Variants in SGF29 observed in about 807,000 individuals in gnomAD.
SGF29 encodes SAGA complex associated factor 29.
In SGF29, 15 loss-of-function variants were observed where a neutral mutation model predicts 38.1. The ratio of observed to expected loss-of-function variants is 0.39; its 90% CI spans 0.26 to 0.61. The LOEUF (loss-of-function observed/expected upper bound fraction) is 0.61, where lower values mean the gene tolerates loss of function less well. SGF29 is among the 20% of genes least tolerant of loss of function. SGF29 has a pLI of 0.49. For missense variants in SGF29, 184 were observed against 394.6 expected, an observed-to-expected ratio of 0.47 and a Z score of 4.52; for synonymous variants, 151 against 160.8, an observed-to-expected ratio of 0.94 and a Z score of 0.46.
chr16:28,556,680 C>T (rs139123259), intron 1 of SGF29, among the ~76,000 whole-genome samples: 122 of 151,986 alleles, frequency 8.0e-4, no homozygotes, highest in African/African-American at 2.8e-3. Flanking sequence ...AGGTCTTACT[C>T]TGTCACCCAG....
intron 1 of SGF29, among the ~76,000 whole-genome samples, chr16:28,568,639 G>A (rs2151645456): frequency 6.6e-6 from 1 of 152,242 alleles, no homozygotes; most frequent in South Asian, 2.1e-4. Flanking sequence ...TCTTGGCCAG[G>A]AGCAGTGGCT....
At chr16:28,556,651 T>A (rs1453636459) in intron 1 of SGF29, among the ~76,000 whole-genome samples, 1 of 151,452 alleles carries the variant, frequency 6.6e-6, no homozygotes, top group Admixed American at 6.6e-5. Flanking sequence ...CCAACCTACT[T>A]ATGTTTTTTT....
intron 1 of SGF29, among the ~76,000 whole-genome samples, chr16:28,576,113 C>G (rs1475576974): frequency 6.6e-6 from 1 of 152,108 alleles, no homozygotes; most frequent in Non-Finnish European, 1.5e-5. Context: ...GAAGGTTAAA[C>G]AGAGTTTATG....
At chr16:28,564,737 G>GTATATGTGTA (rs2046823154) in intron 1 of SGF29, among the ~76,000 whole-genome samples, 1 of 11,340 alleles carries the variant, frequency 8.8e-5, no homozygotes, top group African/African-American at 2.3e-4. Flanking sequence ...ACATATATAT[G>GTATATGTGTA]TATATATGTA....
chr16:28,558,729 A>G (rs13331691), intron 1 of SGF29, among the ~76,000 whole-genome samples: 10,774 of 152,306 alleles, frequency 0.071, 574 homozygotes, highest in East Asian at 0.2. Context: ...ATAAAAAGGA[A>G]TGAAGTTACT....
intron 1 of SGF29, among the ~76,000 whole-genome samples, chr16:28,567,819 G>A (rs1457613234): frequency 6.6e-6 from 1 of 152,182 alleles, no homozygotes; most frequent in East Asian, 1.9e-4. Context: ...AAGTGGCAAA[G>A]AACTTGGCTG....
In SGF29 at chr16:28,585,390, A is replaced by G; in HGVS notation, c.152-258A>G. 5.3e-6 allele frequency: 3 copies of G among 565,226 alleles called. 1 individual carries two copies. The South Asian group carries it at 6.5e-5, about 12-fold the overall frequency. The allele number at this position is 565,226 out of a possible 1,614,324, so 35.0% of individuals were successfully genotyped here. ...TGTGTTTTCCTGGGTCCTGACAAAT[A>G]TTTTCTGTGAGTGTCATGATGGAGA... On this transcript the variant is annotated intron_variant, in intron 3 of 9. Transcript: ENST00000317058.
At chr16:28,575,028 T>C (rs770358001) in intron 1 of SGF29, among the ~76,000 whole-genome samples, 1 of 152,144 alleles carries the variant, frequency 6.6e-6, no homozygotes, top group Non-Finnish European at 1.5e-5. Context: ...TAAGAGTACA[T>C]ACTTACCATA....
intron 1 of SGF29, among the ~76,000 whole-genome samples, chr16:28,559,914 G>A (rs1479907470): frequency 1.3e-5 from 2 of 152,090 alleles, no homozygotes; most frequent in African/African-American, 4.8e-5. Context: ...CATCTACAAT[G>A]TCCAGGATAT....
rs369024869 is a variant in SGF29 at position 28,590,623 on chromosome 16, G to T, written c.567-8G>T. ...CTGCATCCAGCCTTTTCCTCCTTTT[G>T]TCTGCAGGTATGAGGTAGATGACAT... On this transcript the variant is annotated splice_polypyrimidine_tract_variant and splice_region_variant and intron_variant, in intron 7 of 9. Coordinates refer to ENST00000317058, the MANE Select transcript of SGF29 (RefSeq NM_138414.3). The surrounding 1 kb of genome is among the most constrained non-coding windows in gnomAD (Gnocchi z 8.2). 2 of 1,613,524 alleles carry T rather than the reference G, an allele frequency of 1.2e-6. No individual in the cohort carries two copies. Among genetic ancestry groups the T allele is most frequent in the African/African-American group, 2.7e-5 (2 of 74,896 alleles).
intron 1 of SGF29, among the ~76,000 whole-genome samples, chr16:28,579,899 C>A (rs369646826): frequency 6.6e-6 from 1 of 151,952 alleles, no homozygotes; most frequent in African/African-American, 2.4e-5. Flanking sequence ...CCACTGCACT[C>A]CAGCCTAGGT....
intron 1 of SGF29, among the ~76,000 whole-genome samples, chr16:28,578,483 C>T (rs2046907269): frequency 6.6e-6 from 1 of 151,906 alleles, no homozygotes; most frequent in Non-Finnish European, 1.5e-5. Context: ...TCATAGATGC[C>T]CTTCATCAGG....
intron 1 of SGF29, among the ~76,000 whole-genome samples, chr16:28,554,298 G>A (rs986970975): frequency 1.3e-5 from 2 of 151,960 alleles, no homozygotes; most frequent in African/African-American, 4.8e-5. Context: ...GGGGAGGGCG[G>A]GCCCTGCGCC....
At chr16:28,591,021 C>T (rs1452330798) in intron 9 of SGF29, 86 bp downstream of exon 9, 20 of 1,441,530 alleles carry the variant, frequency 1.4e-5, no homozygotes, top group Non-Finnish European at 1.8e-5. Context: ...CCACTCCTTC[C>T]CTTTGTCCTC....
chr16:28,564,645 GTATA>G (rs571636951), intron 1 of SGF29, among the ~76,000 whole-genome samples: 1 of 101,098 alleles, frequency 9.9e-6, no homozygotes, highest in South Asian at 2.7e-4. Flanking sequence ...GTATATATGT[GTATA>G]TATACGTATA....
chr16:28,564,673 ATG>A (rs1183877535), intron 1 of SGF29, among the ~76,000 whole-genome samples: 4 of 85,788 alleles, frequency 4.7e-5, no homozygotes, highest in South Asian at 2.8e-4. Context: ...ATGCATATAT[ATG>A]TATATATATG....
intron 1 of SGF29, among the ~76,000 whole-genome samples, chr16:28,580,518 C>G (rs1349122370): frequency 6.6e-6 from 1 of 152,150 alleles, no homozygotes; most frequent in African/African-American, 2.4e-5. Context: ...TGTCCAAGTC[C>G]AGTCGCTGCT....
chr16:28,561,657 C>T (rs1386797764), intron 1 of SGF29, among the ~76,000 whole-genome samples: 2 of 152,186 alleles, frequency 1.3e-5, no homozygotes, highest in Non-Finnish European at 1.5e-5. Flanking sequence ...CTGGGCGTTA[C>T]CTCAGCATTC....
At chr16:28,582,348 G>T (rs560272983) in intron 2 of SGF29, among the ~76,000 whole-genome samples, 10 of 151,438 alleles carry the variant, frequency 6.6e-5, no homozygotes, top group East Asian at 1.9e-4. Context: ...GAGGATTTTA[G>T]GGGGTGGAAC....
Sources: gnomAD v4.1 joint callset for allele counts (sites outside exome capture counted in the v4.1 genomes callset) on GRCh38, gnomAD v4.1.1 for gene constraint, Gnocchi (gnomAD v3.1) non-coding constraint, MANE v1.5 for transcripts, NCBI Gene and HGNC (gene_info 2026-07-23, HGNC 2026-07-21) for gene names.